The following TBPL2 variants were observed in gnomAD, a reference collection of about 807,000 sequenced individuals.
TBPL2 encodes the protein TATA-box binding protein like 2.
Under a neutral mutation model 38.2 loss-of-function variants are expected in TBPL2, and 40 were observed. The observed-to-expected ratio is 1.05, with a 90% CI of 0.81 to 1.36. The LOEUF is 1.36. Ranked by LOEUF, TBPL2 falls within the 40% of genes most tolerant of loss-of-function variation. The pLI is 0.00. For missense variants in TBPL2, 461 were observed against 456.7 expected, an observed-to-expected ratio of 1.01 and a Z score of -0.09; for synonymous variants, 169 against 171.7, an observed-to-expected ratio of 0.98 and a Z score of 0.12.
At chr14:55,431,275 T>C (rs1474847637) in intron 4 of TBPL2, among the ~76,000 whole-genome samples, 2 of 152,232 alleles carry the variant, frequency 1.3e-5, no homozygotes, top group Non-Finnish European at 2.9e-5. Flanking sequence ...TCTGAACTCA[T>C]TATCCAAACT....
chr14:55,415,460 CCA>C (rs1433479247), intron 6 of TBPL2, among the ~76,000 whole-genome samples: 1 of 152,128 alleles, frequency 6.6e-6, no homozygotes, highest in Non-Finnish European at 1.5e-5. Context: ...TAAATACACC[CCA>C]AATTGAAAAC....
At chr14:55,440,552 G>GC in exon 1 of TBPL2, 2 of 1,586,552 alleles carry the variant, frequency 1.3e-6, no homozygotes, top group Non-Finnish European at 1.7e-6. Context: ...CCATTTATGA[G>GC]CCTGGGGGCA....
chr14:55,428,733 C>T, intron 5 of TBPL2, 74 bp downstream of exon 5: 1 of 1,410,352 alleles, frequency 7.1e-7, no homozygotes, highest in Non-Finnish European at 9.6e-7. Context: ...CTGAAAGATA[C>T]TTTACGTAAG....
At chr14:55,424,083 A>G in intron 6 of TBPL2, 76 bp downstream of exon 6, 2 of 986,952 alleles carry the variant, frequency 2.0e-6, no homozygotes, top group East Asian at 4.8e-5. Context: ...TGGTGAACAA[A>G]GGTATTTAAA....
At chr14:55,428,707 T>C (rs933298648) in intron 5 of TBPL2, 100 bp downstream of exon 5, 5 of 1,328,242 alleles carry the variant, frequency 3.8e-6, no homozygotes, top group African/African-American at 3.0e-5. Context: ...CCTTTTTTTT[T>C]TTAATCACAA....
intron 6 of TBPL2, among the ~76,000 whole-genome samples, chr14:55,422,873 AAAC>A (rs943702525): frequency 6.6e-6 from 1 of 152,170 alleles, no homozygotes; most frequent in Non-Finnish European, 1.5e-5. Context: ...ACAAACAAAC[AAAC>A]AACAATATAT....
At chr14:55,438,739 A>G (rs1410575499) in intron 1 of TBPL2, 1 of 152,304 alleles carries the variant, frequency 6.6e-6, no homozygotes, top group East Asian at 1.9e-4. Flanking sequence ...TAGCACGTTC[A>G]CTGCATCCTT....
intron 6 of TBPL2, among the ~76,000 whole-genome samples, chr14:55,422,547 T>C (rs974632958): frequency 6.6e-6 from 1 of 152,032 alleles, no homozygotes; most frequent in African/African-American, 2.4e-5. Flanking sequence ...CCGCGCCCGG[T>C]CATAAAATAG....
intron 5 of TBPL2, among the ~76,000 whole-genome samples, chr14:55,428,046 C>T (rs1193949718): frequency 6.9e-6 from 1 of 144,028 alleles, no homozygotes; most frequent in African/African-American, 2.6e-5. Context: ...TTTTCATCTT[C>T]TCCCCAATCC....
intron 6 of TBPL2, among the ~76,000 whole-genome samples, chr14:55,421,475 T>C (rs1261348203): frequency 6.6e-6 from 1 of 152,182 alleles, no homozygotes; most frequent in African/African-American, 2.4e-5. Context: ...TTTTTAATTT[T>C]TTAATTAAGA....
exon 2 of TBPL2, chr14:55,436,878 C>A: frequency 6.2e-7 from 1 of 1,614,190 alleles, no homozygotes; most frequent in African/African-American, 1.3e-5. Context: ...AGCTAAGATC[C>A]ACAGATGAGA....
At chr14:55,429,270 G>A (rs545933444) in intron 4 of TBPL2, among the ~76,000 whole-genome samples, 2 of 152,316 alleles carry the variant, frequency 1.3e-5, no homozygotes, top group African/African-American at 4.8e-5. Flanking sequence ...ACGATTCCAA[G>A]GATTCGCAAA....
intron 6 of TBPL2, among the ~76,000 whole-genome samples, chr14:55,415,399 C>T (rs1219999742): frequency 2.0e-5 from 3 of 152,170 alleles, no homozygotes; most frequent in Non-Finnish European, 4.4e-5. Flanking sequence ...GAAACTAGTT[C>T]GGTGGTTAAG....
chr14:55,423,865 T>A (rs925661479), intron 6 of TBPL2, among the ~76,000 whole-genome samples: 2 of 152,216 alleles, frequency 1.3e-5, no homozygotes, highest in Admixed American at 6.5e-5. Context: ...TTAAAAGCCT[T>A]TATGAAGAGT....
At chr14:55,425,414 TAGAAA>T (rs1326955649) in intron 5 of TBPL2, among the ~76,000 whole-genome samples, 1 of 152,182 alleles carries the variant, frequency 6.6e-6, no homozygotes, top group African/African-American at 2.4e-5. Context: ...TTTTAAGACT[TAGAAA>T]AGAGAAAACA....
intron 3 of TBPL2, among the ~76,000 whole-genome samples, chr14:55,435,424 C>A (rs1441206668): frequency 6.6e-6 from 1 of 151,856 alleles, no homozygotes; most frequent in African/African-American, 2.4e-5. Context: ...TACAGGCACC[C>A]GCCACAACAT....
chr14:55,426,559 G>A (rs1885827541), intron 5 of TBPL2, among the ~76,000 whole-genome samples: 1 of 152,058 alleles, frequency 6.6e-6, no homozygotes, highest in South Asian at 2.1e-4. Context: ...TCTTCTAAGA[G>A]GTGTTTTTAA....
chr14:55,415,136 A>G (rs1273679541), intron 6 of TBPL2, among the ~76,000 whole-genome samples: 1 of 152,212 alleles, frequency 6.6e-6, no homozygotes, highest in Non-Finnish European at 1.5e-5. Context: ...CTTCCAAATT[A>G]TGCAGGCACG....
At position 55,433,627 on chromosome 14, in the gene TBPL2, T is replaced by C. The variant is rs78079003; in HGVS notation, c.788+3A>G. On this transcript the variant is annotated splice_donor_region_variant and intron_variant, in intron 4 of 6. Coordinates refer to ENST00000247219, the Ensembl canonical transcript of TBPL2. ...GTAGGGGTGGAGGGATGATTCCTCA[T>C]ACCTTTTGGCTCCCGTGCAGACCAT... 5.6e-6 allele frequency: 9 copies of C among 1,613,704 alleles called. No individual in the cohort carries two copies. The highest frequency in any genetic ancestry group is 4.5e-5 in the East Asian group (2 of 44,894).
Sources: gnomAD v4.1 joint callset for allele counts (sites outside exome capture counted in the v4.1 genomes callset) on GRCh38, gnomAD v4.1.1 for gene constraint, MANE v1.5 for transcripts, NCBI Gene and HGNC (gene_info 2026-07-23, HGNC 2026-07-21) for gene names.